MICU1: variants seen among roughly 807,000 people sequenced by gnomAD.
MICU1 encodes the protein mitochondrial calcium uptake 1.
In MICU1, 45 loss-of-function variants were observed where a neutral mutation model predicts 56.8. The observed-to-expected ratio is 0.79, with a 90% CI of 0.62 to 1.02. The LOEUF is 1.02. Ranked by LOEUF, MICU1 falls within the 50% of genes least tolerant of loss-of-function variation. The pLI, the probability that MICU1 is intolerant of heterozygous loss-of-function variation, is 0.00. For synonymous variants in MICU1, 186 were observed against 195.1 expected, an observed-to-expected ratio of 0.95 and a Z score of 0.39; for missense variants, 504 against 587.1, an observed-to-expected ratio of 0.86 and a Z score of 1.46.
chr10:72,450,367 A>G (rs1238463770), intron 8 of MICU1, among the ~76,000 whole-genome samples: 1 of 151,856 alleles, frequency 6.6e-6, no homozygotes, highest in African/African-American at 2.4e-5. Flanking sequence ...GATTGATGAG[A>G]TGAATCACGT....
chr10:72,369,535 G>GC (rs1214038824), intron 11 of MICU1, among the ~76,000 whole-genome samples: 2 of 152,248 alleles, frequency 1.3e-5, no homozygotes, highest in Admixed American at 1.3e-4. Context: ...GGAGACTGCT[G>GC]CAATAGTCTC....
chr10:72,573,699 T>G (rs1189493270), intron 1 of MICU1, among the ~76,000 whole-genome samples: 1 of 152,108 alleles, frequency 6.6e-6, no homozygotes, highest in Non-Finnish European at 1.5e-5. Context: ...CAAATAAAAT[T>G]TAATGCTCCC....
chr10:72,540,706 A>G (rs750930347), intron 4 of MICU1, among the ~76,000 whole-genome samples: 5 of 152,218 alleles, frequency 3.3e-5, no homozygotes, highest in Non-Finnish European at 7.3e-5. Flanking sequence ...CTGGCATGGT[A>G]GATTAGATTA....
In MICU1 at chr10:72,390,686, A is replaced by G. The variant is rs571427562; in HGVS notation, c.1181-14814T>C. Among the ~76,000 whole-genome samples the G allele has an allele frequency of 7.7e-4, 118 of 152,358 alleles. 1 individual carries two copies. The Middle Eastern group carries it at 0.02, about 26-fold the overall frequency. On this transcript the variant is annotated intron_variant, in intron 10 of 11. Transcript: ENST00000361114. ...GTTCTAACCTTTTGGGAAAAAATGA[A>G]GACAGCTGAGACTCACAGCAGAAGC... is the stretch of plus-strand genomic sequence containing the variant.
chr10:72,619,992 G>A (rs1339729428), intron 1 of MICU1, among the ~76,000 whole-genome samples: 1 of 152,056 alleles, frequency 6.6e-6, no homozygotes, highest in Non-Finnish European at 1.5e-5. Context: ...TTACAGTGCT[G>A]ATTCAATCTT....
intron 6 of MICU1, among the ~76,000 whole-genome samples, chr10:72,507,776 G>A (rs541260274): frequency 2.0e-5 from 3 of 152,048 alleles, no homozygotes; most frequent in Admixed American, 2.0e-4. Flanking sequence ...CTCCTAAGTA[G>A]CTAGGACTAC....
chr10:72,386,557 A>ATTTT (rs34210330), intron 10 of MICU1, among the ~76,000 whole-genome samples: 4 of 120,180 alleles, frequency 3.3e-5, no homozygotes, highest in East Asian at 2.4e-4. Flanking sequence ...CCCGCCACCT[A>ATTTT]TTTTTTTTTT....
At chr10:72,500,263 T>TAC (rs1332204511) in intron 6 of MICU1, among the ~76,000 whole-genome samples, 41 of 17,784 alleles carry the variant, frequency 2.3e-3, no homozygotes, top group African/African-American at 4.7e-3. Context: ...CATACATACA[T>TAC]ATATATATAT....
rs1012189349 is a variant in MICU1, at chr10:72,393,906, C to T, written c.1180+14023G>A. 3.3e-5 allele frequency among the ~76,000 whole-genome samples: 5 copies of T among 152,118 alleles called. No individual in the cohort carries two copies. In the East Asian group the frequency reaches 9.6e-4, roughly 29 times the overall value. On this transcript the variant is annotated intron_variant, in intron 10 of 11. Coordinates refer to ENST00000361114, the MANE Select transcript of MICU1 (RefSeq NM_001195518.2). ...TCAGCCTCCTGAGTAGCTGAGATTA[C>T]AGGTGCCCGCTGCCACTGCACCCGG...
At chr10:72,468,849 C>T (rs1865871226) in intron 8 of MICU1, among the ~76,000 whole-genome samples, 2 of 152,104 alleles carry the variant, frequency 1.3e-5, no homozygotes, top group South Asian at 2.1e-4. Flanking sequence ...TTTTCTGTCT[C>T]TAAAATTCAG....
intron 11 of MICU1, among the ~76,000 whole-genome samples, chr10:72,375,440 T>C (rs1862485801): frequency 1.3e-5 from 2 of 152,204 alleles, no homozygotes; most frequent in Non-Finnish European, 2.9e-5. Flanking sequence ...TACTGCCTTC[T>C]TTCTAAAGAC....
At chr10:72,525,576 A>G (rs1867938542) in intron 5 of MICU1, among the ~76,000 whole-genome samples, 1 of 152,186 alleles carries the variant, frequency 6.6e-6, no homozygotes, top group East Asian at 1.9e-4. Flanking sequence ...AGCACAGGAG[A>G]TTTTTATAGC....
At chr10:72,475,333 T>C (rs369282014) in intron 7 of MICU1, 36 bp from the exon 8 acceptor site, 67 of 1,514,894 alleles carry the variant, frequency 4.4e-5, no homozygotes, top group Non-Finnish European at 5.8e-5. Flanking sequence ...AGAAAAATAT[T>C]AGGAAGTGAG....
At chr10:72,494,998 T>C (rs1276007139) in intron 6 of MICU1, among the ~76,000 whole-genome samples, 1 of 152,206 alleles carries the variant, frequency 6.6e-6, no homozygotes, top group African/African-American at 2.4e-5. Context: ...GAAATAGTCT[T>C]TTATTTAAAC....
intron 10 of MICU1, among the ~76,000 whole-genome samples, chr10:72,376,737 T>C (rs1862535579): frequency 6.6e-6 from 1 of 152,164 alleles, no homozygotes; most frequent in South Asian, 2.1e-4. Flanking sequence ...GCTTTATGTA[T>C]ACAGAATTTC....
In MICU1 at chr10:72,422,949, A is replaced by G. The variant is rs992801521; in HGVS notation, c.1071+285T>C. ...GGTCTTGAACCATGACCAGCCCATG[A>G]CTGAATTCTTTATTTTCCCATCTAA... is the stretch of plus-strand genomic sequence containing the variant. On this transcript the variant is annotated intron_variant, in intron 9 of 11. Transcript: ENST00000361114. 2.0e-5 allele frequency among the ~76,000 whole-genome samples: 3 copies of G among 151,462 alleles called. 1 individual carries two copies. The highest frequency in any genetic ancestry group is 4.4e-5 in the Non-Finnish European group (3 of 67,906).
intron 6 of MICU1, among the ~76,000 whole-genome samples, chr10:72,492,221 G>C (rs1406503867): frequency 6.6e-6 from 1 of 152,182 alleles, no homozygotes; most frequent in African/African-American, 2.4e-5. Flanking sequence ...TTTTTGGGCA[G>C]TGGAATGATC....
At chr10:72,585,844 A>G (rs1841034169) in intron 1 of MICU1, among the ~76,000 whole-genome samples, 1 of 152,018 alleles carries the variant, frequency 6.6e-6, no homozygotes. Flanking sequence ...GTAAAATGGT[A>G]TAATATTTGC....
chr10:72,469,112 A>G (rs1865877782), intron 8 of MICU1, among the ~76,000 whole-genome samples: 1 of 152,244 alleles, frequency 6.6e-6, no homozygotes, highest in African/African-American at 2.4e-5. Context: ...GAATTAAAAT[A>G]AAGAAGGCAT....
Sources: gnomAD v4.1 joint callset for allele counts (sites outside exome capture counted in the v4.1 genomes callset) on GRCh38, gnomAD v4.1.1 for gene constraint, MANE v1.5 for transcripts, NCBI Gene and HGNC (gene_info 2026-07-23, HGNC 2026-07-21) for gene names.